Variants in COL4A3 observed in about 807,000 individuals in gnomAD.
The protein encoded by COL4A3 is collagen alpha-3(IV) chain.
A neutral mutation model predicts 217.4 loss-of-function variants in COL4A3; 135 were observed. The ratio of observed to expected loss-of-function variants is 0.62; its 90% CI spans 0.54 to 0.72. COL4A3 has a LOEUF of 0.72. COL4A3 is among the 30% of genes least tolerant of loss of function. The pLI is 0.00. For missense variants in COL4A3, 1,868 were observed against 2,119.9 expected, an observed-to-expected ratio of 0.88 and a Z score of 2.33; for synonymous variants, 690 against 736.3, an observed-to-expected ratio of 0.94 and a Z score of 1.02.
chr2:227,294,455 A>C, intron 38 of COL4A3, 35 bp from the exon 39 acceptor site: 1 of 1,290,546 alleles, frequency 7.7e-7, no homozygotes, highest in Non-Finnish European at 1.1e-6. Context: ...TCTTTTGGTG[A>C]TCTTTTTTCT....
Position 227,185,410 on chromosome 2 carries a change from T to C in COL4A3, c.87+20597T>C, listed in dbSNP as rs991138383. 2.6e-5 allele frequency among the ~76,000 whole-genome samples: 4 copies of C among 152,150 alleles called. No homozygotes were observed. In the East Asian group the frequency reaches 7.8e-4, roughly 29 times the overall value. The stretch of plus-strand genomic sequence containing the variant: ...GACAACATGCCAAGATCAGATAAAA[T>C]CTCTATATGGACCAGTTACCTTTTA... On this transcript the variant is annotated intron_variant, in intron 1 of 51. Coordinates refer to ENST00000396578, the MANE Select transcript of COL4A3 (RefSeq NM_000091.5).
intron 34 of COL4A3, among the ~76,000 whole-genome samples, 199 bp from the exon 35 acceptor site, chr2:227,288,951 G>GTTTT (rs200614219): frequency 6.7e-5 from 9 of 133,376 alleles, no homozygotes; most frequent in African/African-American, 1.7e-4. Flanking sequence ...TTTGTTTTGG[G>GTTTT]TTTTTTTTTT....
At chr2:227,165,795 T>C (rs1458346958) in intron 1 of COL4A3, among the ~76,000 whole-genome samples, 1 of 152,222 alleles carries the variant, frequency 6.6e-6, no homozygotes, top group East Asian at 1.9e-4. Context: ...ATAGGTTCTA[T>C]ATGTTTTTCC....
intron 9 of COL4A3, among the ~76,000 whole-genome samples, chr2:227,248,786 A>AC (rs1358960368): frequency 6.6e-6 from 1 of 152,164 alleles, no homozygotes; most frequent in Non-Finnish European, 1.5e-5. Flanking sequence ...ACTCTCAGTC[A>AC]CCAAGCTTGC....
At chr2:227,195,656 T>G (rs868329621) in intron 1 of COL4A3, among the ~76,000 whole-genome samples, 1,639 of 136,040 alleles carry the variant, frequency 0.012, 17 homozygotes, top group Middle Eastern at 0.03. Context: ...CTATGCCACA[T>G]ATATATATAT....
chr2:227,180,081 T>C (rs1361835714), intron 1 of COL4A3, among the ~76,000 whole-genome samples: 1 of 152,204 alleles, frequency 6.6e-6, no homozygotes, highest in Non-Finnish European at 1.5e-5. Context: ...GGCGGTGCGG[T>C]GCTTTTACTG....
At chr2:227,262,377 T>C (rs750019489) in intron 20 of COL4A3, among the ~76,000 whole-genome samples, 11 of 152,166 alleles carry the variant, frequency 7.2e-5, no homozygotes, top group Non-Finnish European at 1.6e-4. Flanking sequence ...ACTACAAAGC[T>C]CTAATTCCAG....
rs796558222 is a variant in COL4A3, at chr2:227,172,452, G to A, written c.87+7639G>A. 2.6e-5 allele frequency among the ~76,000 whole-genome samples: 4 copies of A among 152,014 alleles called. No individual in the cohort carries two copies. The South Asian group carries it at 8.3e-4, about 32-fold the overall frequency. ...CCTCACAAGGTAGTTCGGCGGGGGT[G>A]GTTGGGGAGAAAGACAGAGAGAGAG... On this transcript the variant is annotated intron_variant, in intron 1 of 51. Transcript: ENST00000396578.
intron 37 of COL4A3, among the ~76,000 whole-genome samples, chr2:227,292,729 C>T (rs1019113780): frequency 6.6e-6 from 1 of 152,190 alleles, no homozygotes; most frequent in Non-Finnish European, 1.5e-5. Flanking sequence ...CTTTCTTACT[C>T]CCAGCTACTC....
intron 1 of COL4A3, among the ~76,000 whole-genome samples, chr2:227,213,922 AAAAG>A (rs949959110): frequency 6.6e-6 from 1 of 151,266 alleles, no homozygotes; most frequent in African/African-American, 2.4e-5. Context: ...AAAAAAAAGA[AAAAG>A]AAAAAGAAAA....
intron 3 of COL4A3, 35 bp downstream of exon 3, chr2:227,240,267 C>A (rs775271335): frequency 1.3e-6 from 2 of 1,565,318 alleles, no homozygotes; most frequent in African/African-American, 1.4e-5. Context: ...AATCCCCAAC[C>A]CACCTAACCC....
chr2:227,195,318 A>G (rs1379237577), intron 1 of COL4A3, among the ~76,000 whole-genome samples: 2 of 152,242 alleles, frequency 1.3e-5, no homozygotes, highest in East Asian at 3.8e-4. Context: ...TAGCAAAATA[A>G]CATAATAAAA....
chr2:227,283,529 A>G (rs772416593), intron 32 of COL4A3, among the ~76,000 whole-genome samples: 1 of 152,232 alleles, frequency 6.6e-6, no homozygotes, highest in African/African-American at 2.4e-5. Context: ...CAAAACTTCC[A>G]CATATGCTAT....
At chr2:227,239,677 A>G (rs2068902389) in intron 2 of COL4A3, among the ~76,000 whole-genome samples, 1 of 152,198 alleles carries the variant, frequency 6.6e-6, no homozygotes, top group Non-Finnish European at 1.5e-5. Flanking sequence ...CCTGTGTATT[A>G]AAGAAAGGGC....
In COL4A3 at chr2:227,251,373, T is replaced by C. The variant is rs1553752199; in HGVS notation, c.645+2T>C. ...GCCATGGGACCTAGAGGACCTAAGG[T>C]AGACTACAGTTCATATGATGTAACA... is the stretch of plus-strand genomic sequence containing the variant. On this transcript the variant is annotated splice_donor_variant, in intron 11 of 51. Coordinates refer to ENST00000396578, the MANE Select transcript of COL4A3 (RefSeq NM_000091.5). LOFTEE classifies it high-confidence loss of function. 1 of 1,612,506 alleles carries C rather than the reference T, an allele frequency of 6.2e-7. No individual in the cohort carries two copies. The highest frequency in any genetic ancestry group is 8.5e-7 in the Non-Finnish European group (1 of 1,179,734).
In COL4A3 at chr2:227,269,899, T is replaced by C. The variant is rs115757151; in HGVS notation, c.1505-11T>C. 1.6e-3 allele frequency: 2,624 copies of C among 1,613,354 alleles called. 45 individuals are homozygous for C. The African/African-American group carries it at 0.031, about 19-fold the overall frequency. ...CAATGAGGAGTTAGTTAATAATTCGTTGATTTGCAGGAAGACAAGGCGCAG... is the reference window on the plus strand; with the variant it reads ...CAATGAGGAGTTAGTTAATAATTCGCTGATTTGCAGGAAGACAAGGCGCAG... On this transcript the variant is annotated splice_polypyrimidine_tract_variant and intron_variant, in intron 23 of 51. Coordinates refer to ENST00000396578, the MANE Select transcript of COL4A3 (RefSeq NM_000091.5).
At chr2:227,293,852 T>C in intron 38 of COL4A3, 1 of 458,416 alleles carries the variant, frequency 2.2e-6, no homozygotes, top group Non-Finnish European at 4.5e-6. Flanking sequence ...TCCAAGTGTC[T>C]GAATCTTCTT....
chr2:227,247,692 C>T lies in COL4A3; in HGVS notation c.468+108C>T, dbSNP rs942208989. 2.7e-6 allele frequency: 3 copies of T among 1,112,186 alleles called. No individual in the cohort carries two copies. In the African/African-American group the frequency reaches 4.6e-5, roughly 17 times the overall value. The allele number at this position is 1,112,186 out of a possible 1,614,324, so 68.9% of individuals were successfully genotyped here. A position where few individuals can be genotyped will look rare whatever the true frequency, so the allele number is the denominator to read the frequency against. On this transcript the variant is annotated intron_variant, in intron 8 of 51. Coordinates refer to ENST00000396578, the MANE Select transcript of COL4A3 (RefSeq NM_000091.5). ...TCATTACAAATAAGATTTCATAATC[C>T]AGACCTTAATCATTCAGAAACAATA...
chr2:227,201,383 C>CA, intron 1 of COL4A3, among the ~76,000 whole-genome samples: 1 of 152,124 alleles, frequency 6.6e-6, no homozygotes, highest in Non-Finnish European at 1.5e-5. Flanking sequence ...AAAAGCCCAA[C>CA]ACATGTTGGG....
Sources: gnomAD v4.1 joint callset for allele counts (sites outside exome capture counted in the v4.1 genomes callset) on GRCh38, gnomAD v4.1.1 for gene constraint, MANE v1.5 for transcripts, NCBI Gene and HGNC (gene_info 2026-07-23, HGNC 2026-07-21) for gene names.